CSMD3: variants seen among roughly 807,000 people sequenced by gnomAD.
CSMD3 encodes the protein CUB and sushi domain-containing protein 3.
CSMD3 carries 177 observed loss-of-function variants against 435.2 expected under a neutral mutation model. The observed-to-expected ratio is 0.41, with a 90% CI of 0.36 to 0.46. The LOEUF (loss-of-function observed/expected upper bound fraction) is 0.46. CSMD3 is among the 20% of genes least tolerant of loss of function. The pLI is 0.34. For synonymous variants in CSMD3, 1,656 were observed against 1,520.5 expected, an observed-to-expected ratio of 1.09 and a Z score of -2.07; for missense variants, 4,265 against 4,504.6, an observed-to-expected ratio of 0.95 and a Z score of 1.52.
In CSMD3 at chr8:112,506,788, G is replaced by C. The variant is rs751808324; in HGVS notation, c.4798C>G (p.Leu1600Val). The C allele has an allele frequency of 6.2e-7, 1 of 1,613,654 alleles. No homozygotes were observed. Among genetic ancestry groups the C allele is most frequent in the South Asian group, 1.1e-5 (1 of 91,080 alleles). Reference protein sequence around the residue: ...GNLTGSSGFILSPNFPHPYPH... With the variant: ...GNLTGSSGFIVSPNFPHPYPH... ...TATGGATGAGGGAAGTTTGGTGAAA[G>C]AATAAAGCCTGAAGATCCTGTTAAA... The change falls in exon 29 of 71, where the codon CTT (leucine) becomes GTT (valine). Residue 1600 changes from leucine (L) to valine (V), a missense_variant. Physicochemically the swap from Leu to Val is conservative, Grantham distance 32 (BLOSUM62 1). Around this residue, in one of 3 missense-constraint regions of CSMD3, gnomAD observed 3,255 missense variants for 3,380.2 expected, o/e 0.96. Transcript: ENST00000297405.
intron 13 of CSMD3, among the ~76,000 whole-genome samples, chr8:112,784,136 CA>C (rs2078474227): frequency 6.6e-6 from 1 of 151,674 alleles, no homozygotes. Context: ...AAATAGATAA[CA>C]AGAGGATAAA....
intron 13 of CSMD3, among the ~76,000 whole-genome samples, chr8:112,781,431 C>G (rs1436615956): frequency 6.6e-6 from 1 of 152,056 alleles, no homozygotes; most frequent in Non-Finnish European, 1.5e-5. Flanking sequence ...CAATAAATAA[C>G]TAAAATTCAT....
chr8:113,084,489 A>T (rs1286336569), intron 5 of CSMD3, among the ~76,000 whole-genome samples: 1 of 151,962 alleles, frequency 6.6e-6, no homozygotes, highest in Non-Finnish European at 1.5e-5. Context: ...ATGCTCATGG[A>T]TTGGAAAAAT....
intron 15 of CSMD3, 46 bp from the exon 16 acceptor site, chr8:112,682,682 G>A (rs777658028): frequency 8.1e-7 from 1 of 1,233,694 alleles, no homozygotes; most frequent in African/African-American, 1.5e-5. Flanking sequence ...AACAACATTA[G>A]CCAGAGAGAG....
intron 5 of CSMD3, among the ~76,000 whole-genome samples, chr8:113,063,353 T>A (rs554928850): frequency 1.7e-4 from 26 of 152,018 alleles, no homozygotes; most frequent in African/African-American, 4.8e-4. Context: ...TCCAAAGGTA[T>A]CCTCACTTCA....
intron 30 of CSMD3, among the ~76,000 whole-genome samples, chr8:112,496,260 C>A (rs905159155): frequency 6.6e-6 from 1 of 152,102 alleles, no homozygotes; most frequent in Non-Finnish European, 1.5e-5. Flanking sequence ...TGAGCTACCA[C>A]GTCCAGCCAC....
chr8:112,336,583 T>A (rs1824580962), intron 44 of CSMD3, 69 bp downstream of exon 44: 1 of 1,199,640 alleles, frequency 8.3e-7, no homozygotes, highest in East Asian at 2.3e-5. Flanking sequence ...GATTGTGATA[T>A]ATTTTTATTC....
At chr8:112,835,878 C>T (rs965033254) in intron 11 of CSMD3, among the ~76,000 whole-genome samples, 3 of 151,844 alleles carry the variant, frequency 2.0e-5, no homozygotes, top group Non-Finnish European at 4.4e-5. Context: ...TCTAGGAACT[C>T]ATTCCATTTC....
intron 57 of CSMD3, among the ~76,000 whole-genome samples, chr8:112,287,819 C>T (rs1220434372): frequency 6.6e-6 from 1 of 151,942 alleles, no homozygotes; most frequent in African/African-American, 2.4e-5. Context: ...TATATGAAAA[C>T]ATAAAAATAA....
chr8:112,441,654 A>G (rs980570512), intron 32 of CSMD3, among the ~76,000 whole-genome samples: 3 of 152,234 alleles, frequency 2.0e-5, no homozygotes, highest in Non-Finnish European at 4.4e-5. Flanking sequence ...GCTTTGGGAA[A>G]TTTACAATCA....
chr8:113,220,208 C>T (rs937975165), intron 3 of CSMD3, among the ~76,000 whole-genome samples: 4 of 151,348 alleles, frequency 2.6e-5, no homozygotes, highest in African/African-American at 7.3e-5. Flanking sequence ...AAGAGCCCAG[C>T]CACAGAGGCA....
chr8:112,377,576 T>A (rs549121508), intron 38 of CSMD3, among the ~76,000 whole-genome samples: 76 of 152,248 alleles, frequency 5.0e-4, no homozygotes, highest in African/African-American at 1.7e-3. Flanking sequence ...CCCTTTTGAA[T>A]ATGGATGCAA....
At chr8:112,997,862 G>GTA (rs35783145) in intron 6 of CSMD3, among the ~76,000 whole-genome samples, 4,152 of 145,730 alleles carry the variant, frequency 0.028, 73 homozygotes, top group Non-Finnish European at 0.041. Flanking sequence ...GTATATGTGT[G>GTA]TATATATATA....
chr8:112,668,576 G>C (rs1586929895), intron 16 of CSMD3, among the ~76,000 whole-genome samples: 1 of 152,134 alleles, frequency 6.6e-6, no homozygotes, highest in Non-Finnish European at 1.5e-5. Context: ...AAGTGAAGAA[G>C]TAGCCTAAAG....
intron 13 of CSMD3, among the ~76,000 whole-genome samples, chr8:112,737,154 T>C (rs567043393): frequency 6.6e-6 from 1 of 152,038 alleles, no homozygotes; most frequent in African/African-American, 2.4e-5. Context: ...CTTAGCACAA[T>C]TTACTTGAAG....
intron 13 of CSMD3, among the ~76,000 whole-genome samples, chr8:112,791,965 A>G (rs2078703667): frequency 1.3e-5 from 2 of 152,136 alleles, no homozygotes; most frequent in Admixed American, 6.6e-5. Context: ...CCTTAATAAC[A>G]ATGATGTTGA....
At position 112,406,600 on chromosome 8, in the gene CSMD3, A is replaced by G. The variant is rs1831881799; in HGVS notation, c.5733T>C (p.His1911=). Reference sequence around the variant, plus strand: ...TTTCACACCTAATTGCTATGGATCCATGGAGAATATATCCTGGATTACAAT... The same window carrying G: ...TTTCACACCTAATTGCTATGGATCCGTGGAGAATATATCCTGGATTACAAT... ...LFDCNPGYIL[H]GSIAIRCETV... Residue 1911 remains histidine (H), a synonymous_variant, in exon 35 of 71, where the codon CAT becomes CAC. Transcript: ENST00000297405. 1.9e-6 allele frequency: 3 copies of G among 1,612,896 alleles called. No individual in the cohort carries two copies. The highest frequency in any genetic ancestry group is 2.2e-5 in the South Asian group (2 of 91,066).
chr8:112,409,004 C>G lies in CSMD3; in HGVS notation c.5424G>C (p.Gln1808His), dbSNP rs757472171. Residue 1808 changes from glutamine to histidine, a missense_variant, in exon 33 of 71, where the codon CAG becomes CAC. Coordinates refer to ENST00000297405, the MANE Select transcript of CSMD3 (RefSeq NM_198123.2). Reference protein sequence around the residue: ...FVVFGQFVFFQTSLHDVVEVY... With the variant: ...FVVFGQFVFFHTSLHDVVEVY... ...CCTCAACAACATCGTGGAGTGATGT[C>G]TGGAAAAATACAAACTGGCCAAACA... 1 of 1,613,428 alleles carries G rather than the reference C, an allele frequency of 6.2e-7. No homozygotes were observed. Among genetic ancestry groups the G allele is most frequent in the South Asian group, 1.1e-5 (1 of 91,062 alleles).
chr8:112,893,911 A>G (rs2081874805), intron 10 of CSMD3, among the ~76,000 whole-genome samples: 1 of 151,306 alleles, frequency 6.6e-6, no homozygotes, highest in Non-Finnish European at 1.5e-5. Flanking sequence ...GCCTGAAAAC[A>G]ATTTTGTAAC....
Sources: gnomAD v4.1 joint callset for allele counts (sites outside exome capture counted in the v4.1 genomes callset) on GRCh38, gnomAD v4.1.1 for gene constraint, gnomAD v4.1.1 regional missense constraint, MANE v1.5 for transcripts, NCBI Gene and HGNC (gene_info 2026-07-23, HGNC 2026-07-21) for gene names.